The following STAG1 variants were observed in gnomAD, a reference collection of about 807,000 sequenced individuals.
STAG1 encodes STAG1 cohesin complex component.
In STAG1, 26 loss-of-function variants were observed where a neutral mutation model predicts 170.9. The ratio of observed to expected loss-of-function variants is 0.15; its 90% CI spans 0.11 to 0.21. The LOEUF (loss-of-function observed/expected upper bound fraction) is 0.21, where lower values mean the gene tolerates loss of function less well. Ranked by LOEUF, STAG1 falls within the 10% of genes least tolerant of loss-of-function variation. The probability of loss-of-function intolerance (pLI) is 1.00; values close to 1 mark genes in which losing one functional copy is unlikely to be tolerated. For missense variants in STAG1, 964 were observed against 1,509.5 expected, an observed-to-expected ratio of 0.64 and a Z score of 5.99; for synonymous variants, 514 against 497.7, an observed-to-expected ratio of 1.03 and a Z score of -0.44.
intron 1 of STAG1, among the ~76,000 whole-genome samples, chr3:136,637,832 T>TAC (rs1940632252): frequency 6.6e-6 from 1 of 152,076 alleles, no homozygotes; most frequent in Non-Finnish European, 1.5e-5. Context: ...GGGAAGGTAT[T>TAC]GTTTGTCCTT....
chr3:136,374,221 G>T (rs1937495989), intron 23 of STAG1, among the ~76,000 whole-genome samples: 1 of 151,696 alleles, frequency 6.6e-6, no homozygotes, highest in Admixed American at 6.6e-5. Context: ...CCTTAATTTT[G>T]AGCCTATGTG....
intron 1 of STAG1, among the ~76,000 whole-genome samples, chr3:136,685,478 G>A (rs922603983): frequency 5.9e-5 from 9 of 152,108 alleles, no homozygotes; most frequent in Admixed American, 6.5e-5. Context: ...GTACTTCTTA[G>A]AATTTACTCA....
At chr3:136,378,001 G>A (rs1050109353) in intron 22 of STAG1, among the ~76,000 whole-genome samples, 1 of 152,170 alleles carries the variant, frequency 6.6e-6, no homozygotes. Flanking sequence ...GTTTTCAACA[G>A]ATTTCCTTTA....
Position 136,623,152 on chromosome 3 carries a change from C to A in STAG1, c.126G>T (p.Arg42=). The A allele has an allele frequency of 6.2e-7, 1 of 1,612,968 alleles. No homozygotes were observed. ...AGACAAGCATAATACATACTGGAGG[C>A]CGGCCAGGACGACCCCTTTTTCTTT... The part of the protein sequence containing the change: ...KGKRKRGRPG[R]PPSTNKKPRK... The change falls in exon 3 of 34, where the codon CGG becomes CGT. Residue 42 remains arginine (R), a synonymous_variant. Transcript: ENST00000383202.
rs1471479119 is a variant in STAG1, at chr3:136,359,148, T to C, written c.2936A>G (p.Lys979Arg). 6.2e-7 allele frequency: 1 copy of C among 1,607,574 alleles called. No homozygotes were observed. Among genetic ancestry groups the C allele is most frequent in the African/African-American group, 1.3e-5 (1 of 74,644 alleles). ...ATAACAAAGTGTTTATCTCACTCAC[T>C]TGTGAAGTGTGGCAACTGCTTCTCG... is the stretch of plus-strand genomic sequence containing the variant. ...KTREAVATLHKDGIEFAFKYQ... is the reference protein window; with the variant it reads ...KTREAVATLHRDGIEFAFKYQ... Residue 979 changes from lysine (K) to arginine (R), a missense_variant and splice_region_variant, in exon 27 of 34, where the codon AAG becomes AGG. By Grantham distance (26) the Lys-to-Arg change is conservative. Around this residue, in one of 11 missense-constraint regions of STAG1, gnomAD observed 149 missense variants for 301.3 expected, o/e 0.49. Transcript: ENST00000383202.
chr3:136,545,642 T>C (rs568789491), intron 5 of STAG1, among the ~76,000 whole-genome samples: 14 of 152,138 alleles, frequency 9.2e-5, no homozygotes, highest in Non-Finnish European at 1.6e-4. Context: ...AAGAGACACT[T>C]TGATACCTTT....
chr3:136,456,128 C>T (rs2089105348), intron 13 of STAG1, among the ~76,000 whole-genome samples: 1 of 152,170 alleles, frequency 6.6e-6, no homozygotes, highest in South Asian at 2.1e-4. Context: ...GGAAATATTA[C>T]ACTACCAAAC....
chr3:136,348,482 C>T (rs1216779404), intron 29 of STAG1, among the ~76,000 whole-genome samples: 3 of 152,118 alleles, frequency 2.0e-5, no homozygotes, highest in African/African-American at 7.2e-5. Context: ...GATCATAGCT[C>T]ACTGCAACCT....
At chr3:136,512,437 A>G (rs556604998) in intron 7 of STAG1, among the ~76,000 whole-genome samples, 1 of 152,362 alleles carries the variant, frequency 6.6e-6, no homozygotes, top group South Asian at 2.1e-4. Flanking sequence ...CTGTATAATA[A>G]GCAATTAAAT....
At chr3:136,749,548 C>T (rs946044490) in intron 1 of STAG1, among the ~76,000 whole-genome samples, 1 of 152,056 alleles carries the variant, frequency 6.6e-6, no homozygotes, top group Non-Finnish European at 1.5e-5. Context: ...GAGATGGAGA[C>T]CATCCTGGCC....
chr3:136,550,229 C>A (rs553549749), intron 5 of STAG1, among the ~76,000 whole-genome samples: 2 of 151,788 alleles, frequency 1.3e-5, no homozygotes, highest in African/African-American at 4.8e-5. Flanking sequence ...AAATGTTTGG[C>A]GAAAGTCACC....
chr3:136,416,722 C>T (rs1192574571), intron 21 of STAG1, among the ~76,000 whole-genome samples: 1 of 151,534 alleles, frequency 6.6e-6, no homozygotes, highest in Non-Finnish European at 1.5e-5. Flanking sequence ...TGTCTTTTCA[C>T]AAACTACAAT....
chr3:136,630,553 C>A (rs960019145), intron 2 of STAG1, among the ~76,000 whole-genome samples: 1 of 152,204 alleles, frequency 6.6e-6, no homozygotes, highest in African/African-American at 2.4e-5. Context: ...ATGAGTATGG[C>A]TCTCATCCAA....
chr3:136,720,128 A>T (rs1037597258), intron 1 of STAG1, among the ~76,000 whole-genome samples: 1 of 151,076 alleles, frequency 6.6e-6, no homozygotes, highest in South Asian at 2.1e-4. Context: ...GTAAGCTGAG[A>T]TCGCGCCATT....
rs2087208728 is a variant in STAG1, at chr3:136,397,799, C to T, written c.2277+950G>A. ...TTGATCTTACTTTTTTTCATTTAAT[C>T]CCTAGCCCACATTTTTCTTTGTTTT... On this transcript the variant is annotated intron_variant, in intron 22 of 33. Coordinates refer to ENST00000383202, the MANE Select transcript of STAG1 (RefSeq NM_005862.3). 3.3e-5 allele frequency among the ~76,000 whole-genome samples: 5 copies of T among 151,604 alleles called. No individual in the cohort carries two copies. The South Asian group carries it at 1.0e-3, about 32-fold the overall frequency.
chr3:136,700,416 TTC>T (rs1014206489), intron 1 of STAG1, among the ~76,000 whole-genome samples: 3 of 150,248 alleles, frequency 2.0e-5, no homozygotes, highest in Admixed American at 1.3e-4. Flanking sequence ...AAATTACTTC[TTC>T]TTTTTTTTTT....
intron 9 of STAG1, among the ~76,000 whole-genome samples, chr3:136,484,076 G>C (rs2089948072): frequency 7.8e-6 from 1 of 128,866 alleles, no homozygotes; most frequent in Non-Finnish European, 1.6e-5. Context: ...TCTTCTCTCA[G>C]CTCGTCAAAA....
intron 23 of STAG1, among the ~76,000 whole-genome samples, chr3:136,374,933 T>C (rs745656382): frequency 6.6e-6 from 1 of 152,194 alleles, no homozygotes; most frequent in African/African-American, 2.4e-5. Context: ...AAATCTTTTA[T>C]ACTGTATTTT....
At chr3:136,575,807 A>G (rs1326071980) in intron 4 of STAG1, among the ~76,000 whole-genome samples, 1 of 152,176 alleles carries the variant, frequency 6.6e-6, no homozygotes, top group African/African-American at 2.4e-5. Flanking sequence ...TGTGCATATC[A>G]TTTCAGCTAA....
Sources: gnomAD v4.1 joint callset for allele counts (sites outside exome capture counted in the v4.1 genomes callset) on GRCh38, gnomAD v4.1.1 for gene constraint, gnomAD v4.1.1 regional missense constraint, MANE v1.5 for transcripts, NCBI Gene and HGNC (gene_info 2026-07-23, HGNC 2026-07-21) for gene names.